Variants in ARSJ observed in about 807,000 individuals in gnomAD.
The protein encoded by ARSJ is arylsulfatase J.
Under a neutral mutation model 35.9 loss-of-function variants are expected in ARSJ, and 26 were observed. That is an observed-to-expected ratio of 0.72 (90% CI 0.53 to 1.00). The LOEUF (loss-of-function observed/expected upper bound fraction) is 1.00. Among genes scored for constraint, ARSJ ranks in the 50% least tolerant of loss-of-function variants. ARSJ has a pLI of 0.00. For missense variants in ARSJ, 667 were observed against 723.6 expected, an observed-to-expected ratio of 0.92 and a Z score of 0.90; for synonymous variants, 294 against 267.6, an observed-to-expected ratio of 1.10 and a Z score of -0.96.
intron 1 of ARSJ, among the ~76,000 whole-genome samples, chr4:113,938,106 C>T (rs1724885148): frequency 6.6e-6 from 1 of 151,924 alleles, no homozygotes; most frequent in Admixed American, 6.6e-5. Context: ...AAGAATAAAC[C>T]TGGAAGCATC....
chr4:113,924,101 A>G (rs1426976286), intron 1 of ARSJ, among the ~76,000 whole-genome samples: 1 of 80,992 alleles, frequency 1.2e-5, no homozygotes, highest in Non-Finnish European at 2.5e-5. Flanking sequence ...ATATATATAT[A>G]TATATATATA....
At chr4:113,940,759 T>C (rs9997935) in intron 1 of ARSJ, among the ~76,000 whole-genome samples, 50,767 of 151,904 alleles carry the variant, frequency 0.33, 9,075 homozygotes, top group East Asian at 0.68. Flanking sequence ...AGAAGAGTTA[T>C]ATTAAATAGT....
At chr4:113,962,559 A>G (rs995421802) in intron 1 of ARSJ, among the ~76,000 whole-genome samples, 2 of 144,462 alleles carry the variant, frequency 1.4e-5, no homozygotes, top group Non-Finnish European at 3.0e-5. Flanking sequence ...TTCCTGTTGC[A>G]TTTGTAGTTC....
chr4:113,912,433 G>A (rs72893451), intron 1 of ARSJ, among the ~76,000 whole-genome samples: 4,737 of 152,134 alleles, frequency 0.031, 252 homozygotes, highest in African/African-American at 0.11. Context: ...GATTATAGTG[G>A]ATTGAGACAT....
intron 1 of ARSJ, among the ~76,000 whole-genome samples, chr4:113,962,489 T>A (rs1726612894): frequency 6.6e-6 from 1 of 151,596 alleles, no homozygotes; most frequent in African/African-American, 2.4e-5. Context: ...GCACCTTTTT[T>A]TTTTTTTTTT....
chr4:113,953,117 G>A (rs897307737), intron 1 of ARSJ, among the ~76,000 whole-genome samples: 2 of 152,018 alleles, frequency 1.3e-5, no homozygotes, highest in African/African-American at 4.8e-5. Context: ...AGAAATTTAA[G>A]TGGCAAAACT....
At chr4:113,922,965 A>G (rs13140683) in intron 1 of ARSJ, among the ~76,000 whole-genome samples, 42,035 of 152,018 alleles carry the variant, frequency 0.28, 6,362 homozygotes, top group African/African-American at 0.4. Flanking sequence ...ACTTTGAGTA[A>G]AACAGATTAC....
chr4:113,960,883 G>A (rs1226822754), intron 1 of ARSJ, among the ~76,000 whole-genome samples: 1 of 152,054 alleles, frequency 6.6e-6, no homozygotes, highest in Non-Finnish European at 1.5e-5. Flanking sequence ...GCTGGAACCT[G>A]CACTAGCAGA....
At chr4:113,938,129 T>C (rs1724886782) in intron 1 of ARSJ, among the ~76,000 whole-genome samples, 1 of 152,112 alleles carries the variant, frequency 6.6e-6, no homozygotes, top group South Asian at 2.1e-4. Context: ...GCTACTCAAC[T>C]TCAAACTATA....
chr4:113,953,034 C>T (rs558022777), intron 1 of ARSJ, among the ~76,000 whole-genome samples: 3 of 152,130 alleles, frequency 2.0e-5, no homozygotes, highest in African/African-American at 7.2e-5. Flanking sequence ...ATATTATCTC[C>T]CATTCTTGGA....
chr4:113,978,878 C>G lies in ARSJ; in HGVS notation c.-44G>C. On this transcript the variant is annotated 5_prime_UTR_variant, in exon 1 of 2. Transcript: ENST00000315366. ...AGACTCCACGCGGAGAACCACGCGCCCCGCGCCGCTGCGGGCGCACACATG... is the reference window on the plus strand; with the variant it reads ...AGACTCCACGCGGAGAACCACGCGCGCCGCGCCGCTGCGGGCGCACACATG... The G allele has an allele frequency of 6.5e-7, 1 of 1,539,302 alleles. No individual in the cohort carries two copies. Among genetic ancestry groups the G allele is most frequent in the African/African-American group, 1.4e-5 (1 of 72,446 alleles).
chr4:113,958,806 T>C (rs1380014451), intron 1 of ARSJ, among the ~76,000 whole-genome samples: 2 of 152,042 alleles, frequency 1.3e-5, no homozygotes, highest in Non-Finnish European at 2.9e-5. Flanking sequence ...CTAATTTCCC[T>C]ATATTTTCTC....
At chr4:113,946,220 T>C (rs1725470578) in intron 1 of ARSJ, 1 of 152,072 alleles carries the variant, frequency 6.6e-6, no homozygotes, top group South Asian at 2.1e-4. Context: ...TATGCTTTTC[T>C]TGAACTGTCG....
At chr4:113,940,260 C>T (rs1725062427) in intron 1 of ARSJ, among the ~76,000 whole-genome samples, 2 of 152,104 alleles carry the variant, frequency 1.3e-5, no homozygotes, top group Admixed American at 1.3e-4. Flanking sequence ...CAATGATAGA[C>T]TGGATAAAGA....
chr4:113,904,646 A>G (rs564751454), intron 1 of ARSJ, among the ~76,000 whole-genome samples: 15 of 152,062 alleles, frequency 9.9e-5, no homozygotes, highest in Non-Finnish European at 1.6e-4. Context: ...CACCACGCCC[A>G]GATAATTTTT....
intron 1 of ARSJ, among the ~76,000 whole-genome samples, chr4:113,940,792 TTAAAA>T (rs2149269508): frequency 6.6e-6 from 1 of 152,164 alleles, no homozygotes; most frequent in African/African-American, 2.4e-5. Context: ...GATTAAAATT[TTAAAA>T]TAAGATAATT....
At chr4:113,953,667 T>C (rs985307223) in intron 1 of ARSJ, among the ~76,000 whole-genome samples, 6 of 152,114 alleles carry the variant, frequency 3.9e-5, no homozygotes, top group Non-Finnish European at 8.8e-5. Context: ...GCATATTAAG[T>C]AGTTAAGGCA....
intron 1 of ARSJ, among the ~76,000 whole-genome samples, chr4:113,911,146 A>G (rs573750753): frequency 6.6e-6 from 1 of 152,298 alleles, no homozygotes; most frequent in East Asian, 1.9e-4. Context: ...CAGTGAGAGA[A>G]GCAGAATGTT....
chr4:113,903,249 A>C lies in ARSJ; in HGVS notation c.825T>G (p.Pro275=). The change falls in exon 2 of 2, where the codon CCT becomes CCG. Residue 275 remains proline, a synonymous_variant. Transcript: ENST00000315366. ...YQAVHSPLQA[P]GRYFEHYRSI... ...ATCGGTAGTGTTCGAAATACCTGCC[A>C]GGAGCTTGCAGTGGTGAATGAACAG... 5 of 1,614,214 alleles carry C rather than the reference A, an allele frequency of 3.1e-6. No homozygotes were observed. The highest frequency in any genetic ancestry group is 4.2e-6 in the Non-Finnish European group (5 of 1,180,034).
Sources: allele counts gnomAD v4.1 joint callset (sites outside exome capture counted in the v4.1 genomes callset), GRCh38; gene constraint gnomAD v4.1.1; transcripts MANE v1.5; gene names NCBI Gene and HGNC (gene_info 2026-07-23, HGNC 2026-07-21).